Variants in CCDC126 observed in about 807,000 individuals in gnomAD.
The protein encoded by CCDC126 is coiled-coil domain containing 126.
Under a neutral mutation model 11.7 loss-of-function variants are expected in CCDC126, and 5 were observed. The ratio of observed to expected loss-of-function variants is 0.43; its 90% CI spans 0.22 to 0.90. The LOEUF (loss-of-function observed/expected upper bound fraction) is 0.90, where lower values mean the gene tolerates loss of function less well. Among genes scored for constraint, CCDC126 ranks in the 40% least tolerant of loss-of-function variants. CCDC126 has a pLI of 0.27. For missense variants in CCDC126, 150 were observed against 163.1 expected, an observed-to-expected ratio of 0.92 and a Z score of 0.44; for synonymous variants, 60 against 61.9, an observed-to-expected ratio of 0.97 and a Z score of 0.14.
At chr7:23,603,939 G>A (rs1300969333) in intron 2 of CCDC126, 2 of 152,334 alleles carry the variant, frequency 1.3e-5, no homozygotes, top group Non-Finnish European at 1.5e-5. Flanking sequence ...ATGCTTGGAT[G>A]TGTGATATAT....
At chr7:23,626,163 T>A (rs1371775136) in intron 3 of CCDC126, among the ~76,000 whole-genome samples, 1 of 152,158 alleles carries the variant, frequency 6.6e-6, no homozygotes, top group East Asian at 1.9e-4. Context: ...TTGTTTGTTT[T>A]ACATTTATAG....
At chr7:23,641,378 G>A (rs985807512) in intron 3 of CCDC126, among the ~76,000 whole-genome samples, 20 of 152,274 alleles carry the variant, frequency 1.3e-4, no homozygotes, top group African/African-American at 4.8e-4. Context: ...TGAATTGTAA[G>A]AGATCTTTAT....
chr7:23,617,681 A>G (rs760538499), intron 3 of CCDC126, among the ~76,000 whole-genome samples: 1 of 152,136 alleles, frequency 6.6e-6, no homozygotes, highest in Non-Finnish European at 1.5e-5. Flanking sequence ...CTCACTTCAG[A>G]CACCAGCCAC....
chr7:23,621,981 G>A (rs1782912295), intron 3 of CCDC126, among the ~76,000 whole-genome samples: 1 of 152,282 alleles, frequency 6.6e-6, no homozygotes, highest in East Asian at 1.9e-4. Flanking sequence ...GATTCGGTTT[G>A]CCAGTGTTTT....
intron 2 of CCDC126, among the ~76,000 whole-genome samples, chr7:23,601,105 T>G (rs1333129050): frequency 2.0e-5 from 3 of 151,574 alleles, no homozygotes; most frequent in Admixed American, 6.6e-5. Flanking sequence ...GTGCATAGGC[T>G]GGACTCAGTG....
At chr7:23,634,721 G>A (rs1313210541) in intron 3 of CCDC126, among the ~76,000 whole-genome samples, 1 of 152,188 alleles carries the variant, frequency 6.6e-6, no homozygotes, top group Non-Finnish European at 1.5e-5. Flanking sequence ...AGGAGGAAGG[G>A]AAGGTATTTT....
chr7:23,610,326 C>T (rs892683915), intron 2 of CCDC126, among the ~76,000 whole-genome samples: 10 of 152,162 alleles, frequency 6.6e-5, no homozygotes, highest in Admixed American at 2.0e-4. Context: ...GCCCTGCCGC[C>T]CCACCTTCCT....
intron 3 of CCDC126, among the ~76,000 whole-genome samples, chr7:23,613,602 A>AC (rs1378397210): frequency 6.6e-6 from 1 of 151,238 alleles, no homozygotes. Flanking sequence ...CATTCCATCC[A>AC]CCCCCCAGGC....
At chr7:23,610,621 A>G (rs181447535) in intron 2 of CCDC126, among the ~76,000 whole-genome samples, 1 of 152,290 alleles carries the variant, frequency 6.6e-6, no homozygotes, top group Non-Finnish European at 1.5e-5. Flanking sequence ...CTTAGATTGC[A>G]TCTTGGATTG....
intron 2 of CCDC126, among the ~76,000 whole-genome samples, chr7:23,608,845 C>G (rs1303366340): frequency 1.3e-5 from 2 of 152,186 alleles, no homozygotes; most frequent in Non-Finnish European, 2.9e-5. Flanking sequence ...TCAAACCCAT[C>G]TTACTGAAAA....
chr7:23,637,740 G>A (rs867938841), intron 3 of CCDC126, among the ~76,000 whole-genome samples: 2 of 46,648 alleles, frequency 4.3e-5, no homozygotes, highest in East Asian at 7.8e-4. Flanking sequence ...CAGCCGCCCC[G>A]TCCGGGAGGT....
rs139646450 is a variant in CCDC126, at chr7:23,622,815, C to T, written c.238+11262C>T. 665 of 439,920 alleles carry T rather than the reference C, an allele frequency of 1.5e-3. 8 individuals are homozygous for T. Among genetic ancestry groups the T allele is most frequent in the African/African-American group, 0.012 (611 of 49,282 alleles). 27.3% of individuals were successfully genotyped at this position (439,920 alleles called of 1,614,324 possible). On this transcript the variant is annotated intron_variant, in intron 3 of 3. Transcript: ENST00000307471. ...ATGGTTGCCAGATGATTACAGAGCC[C>T]CTCCATTCTAAATCTTACAAGACAC...
chr7:23,615,350 C>T (rs1782780135), intron 3 of CCDC126, among the ~76,000 whole-genome samples: 1 of 152,214 alleles, frequency 6.6e-6, no homozygotes, highest in South Asian at 2.1e-4. Context: ...TGGGGTCTTG[C>T]TCTGGATTAG....
chr7:23,606,842 A>G (rs974726645), intron 2 of CCDC126, among the ~76,000 whole-genome samples: 2 of 152,106 alleles, frequency 1.3e-5, no homozygotes, highest in Admixed American at 1.3e-4. Flanking sequence ...AGGCTGAGGC[A>G]GGAGGATCAC....
At chr7:23,625,376 G>T (rs1312865270) in intron 3 of CCDC126, among the ~76,000 whole-genome samples, 4 of 152,130 alleles carry the variant, frequency 2.6e-5, no homozygotes, top group Non-Finnish European at 4.4e-5. Context: ...TTGTCAGATT[G>T]CCCTCCAGAA....
At position 23,643,007 on chromosome 7, in the gene CCDC126, C is replaced by G. The variant is rs73077171; in HGVS notation, c.315C>G (p.Asp105Glu). 2.0e-5 allele frequency: 32 copies of G among 1,614,154 alleles called. No homozygotes were observed. Among genetic ancestry groups the G allele is most frequent in the Non-Finnish European group, 2.6e-5 (31 of 1,180,006 alleles). Reference sequence around the variant, plus strand: ...TGGTGAAGCTGGAGAACAAAGTTGACTATATTGTTGTGAATGGCTCAGCAG... The same window carrying G: ...TGGTGAAGCTGGAGAACAAAGTTGAGTATATTGTTGTGAATGGCTCAGCAG... ...QRLVKLENKV[D>E]YIVVNGSAAN... Residue 105 changes from aspartate to glutamate, a missense_variant, in exon 4 of 4, where the codon GAC (aspartate) becomes GAG (glutamate). Asp to Glu is a conservative substitution (Grantham distance 45). Coordinates refer to ENST00000307471, the MANE Select transcript of CCDC126 (RefSeq NM_138771.4).
At chr7:23,626,689 G>C (rs1783021986) in intron 3 of CCDC126, among the ~76,000 whole-genome samples, 1 of 151,974 alleles carries the variant, frequency 6.6e-6, no homozygotes, top group Admixed American at 6.6e-5. Context: ...CCCAGTGTCT[G>C]TTGTTTACTT....
intron 2 of CCDC126, among the ~76,000 whole-genome samples, chr7:23,608,593 C>T (rs915779831): frequency 6.6e-6 from 1 of 152,150 alleles, no homozygotes; most frequent in Non-Finnish European, 1.5e-5. Flanking sequence ...TTGGACACCC[C>T]TAAGTTAGCC....
intron 3 of CCDC126, among the ~76,000 whole-genome samples, chr7:23,636,255 G>A (rs1177446364): frequency 6.6e-6 from 1 of 152,236 alleles, no homozygotes; most frequent in Non-Finnish European, 1.5e-5. Context: ...CCAAAGTGCC[G>A]AGATTGCAGC....
Sources: gnomAD v4.1 joint callset for allele counts (sites outside exome capture counted in the v4.1 genomes callset) on GRCh38, gnomAD v4.1.1 for gene constraint, MANE v1.5 for transcripts, NCBI Gene and HGNC (gene_info 2026-07-23, HGNC 2026-07-21) for gene names.